LRRC37A2: variants seen among roughly 807,000 people sequenced by gnomAD.
The protein encoded by LRRC37A2 is leucine rich repeat containing 37 member A2.
A neutral mutation model predicts 68.8 loss-of-function variants in LRRC37A2; 9 were observed. The ratio of observed to expected loss-of-function variants is 0.13; its 90% CI spans 0.08 to 0.23. The LOEUF is 0.23. Ranked by LOEUF, LRRC37A2 falls within the 10% of genes least tolerant of loss-of-function variation. The pLI is 1.00. For missense variants in LRRC37A2, 168 were observed against 950.4 expected (o/e 0.18, Z 10.82); for synonymous variants, 63 against 367.6 (o/e 0.17, Z 9.48).
At chr17:46,812,586 G>A in the LRRC37A2 span, among the ~76,000 whole-genome samples, 1 of 152,056 alleles carries the variant, frequency 6.6e-6, no homozygotes, top group Non-Finnish European at 1.5e-5. Context: ...AATGATTAGG[G>A]GACACTCCAG....
At chr17:46,726,863 A>G in the LRRC37A2 span, among the ~76,000 whole-genome samples, 2 of 152,304 alleles carry the variant, frequency 1.3e-5, no homozygotes, top group Non-Finnish European at 2.9e-5. Context: ...CTCATTTTGT[A>G]TCTTCCAGTG....
At chr17:46,967,804 G>A in the LRRC37A2 span, among the ~76,000 whole-genome samples, 1 of 152,140 alleles carries the variant, frequency 6.6e-6, no homozygotes, top group African/African-American at 2.4e-5. Flanking sequence ...TCACCTTGGT[G>A]GCAGTGAAGG....
At chr17:46,845,547 T>A in the LRRC37A2 span, among the ~76,000 whole-genome samples, 2 of 148,170 alleles carry the variant, frequency 1.3e-5, no homozygotes, top group Admixed American at 1.4e-4. Flanking sequence ...CAGAGTGCAG[T>A]GGCACAATCT....
the LRRC37A2 span, among the ~76,000 whole-genome samples, chr17:46,657,494 T>C: frequency 6.8e-6 from 1 of 146,408 alleles, no homozygotes; most frequent in African/African-American, 2.5e-5. Context: ...AGACTAGAAA[T>C]AGAAACTTTT....
At chr17:46,543,745 A>G (rs1475740620) in intron 8 of LRRC37A2, among the ~76,000 whole-genome samples, 1 of 151,038 alleles carries the variant, frequency 6.6e-6, no homozygotes, top group Non-Finnish European at 1.5e-5. Flanking sequence ...GGTGTTCATT[A>G]TACCATTTGA....
At chr17:46,612,143 G>A in the LRRC37A2 span, among the ~76,000 whole-genome samples, 1 of 75,786 alleles carries the variant, frequency 1.3e-5, no homozygotes, top group South Asian at 4.5e-4. Context: ...CAACATCATA[G>A]TCCATAGGGA....
the LRRC37A2 span, chr17:47,019,439 A>T: frequency 6.2e-7 from 1 of 1,610,822 alleles, no homozygotes; most frequent in Non-Finnish European, 8.5e-7. Flanking sequence ...CTCAGCCTCC[A>T]GACCTAGGGC....
the LRRC37A2 span, among the ~76,000 whole-genome samples, chr17:46,894,833 C>G: frequency 6.6e-6 from 1 of 152,262 alleles, no homozygotes; most frequent in Non-Finnish European, 1.5e-5. Flanking sequence ...CACTTCTCCC[C>G]CCTCCACTCT....
the LRRC37A2 span, chr17:46,932,174 T>G: frequency 6.2e-7 from 1 of 1,614,080 alleles, no homozygotes; most frequent in Non-Finnish European, 8.5e-7. Flanking sequence ...CGAGAAGAGC[T>G]TCTGTCTCGA....
At chr17:46,930,596 C>T in the LRRC37A2 span, 4 of 155,888 alleles carry the variant, frequency 2.6e-5, no homozygotes, top group African/African-American at 7.3e-5. Flanking sequence ...GGAAGAAAGC[C>T]TTAAGGGAAC....
chr17:46,732,588 A>G, the LRRC37A2 span, among the ~76,000 whole-genome samples: 1 of 152,182 alleles, frequency 6.6e-6, no homozygotes, highest in Non-Finnish European at 1.5e-5. Flanking sequence ...TGCAGAGTTA[A>G]TTTCATGATT....
At chr17:46,946,910 G>T in the LRRC37A2 span, among the ~76,000 whole-genome samples, 1 of 152,200 alleles carries the variant, frequency 6.6e-6, no homozygotes, top group South Asian at 2.1e-4. Flanking sequence ...CAGCAGTCAA[G>T]TGCCAAGCAA....
the LRRC37A2 span, among the ~76,000 whole-genome samples, chr17:46,494,636 A>C: frequency 6.6e-6 from 1 of 151,470 alleles, no homozygotes; most frequent in Non-Finnish European, 1.5e-5. Flanking sequence ...CCAAGTTCAC[A>C]AAGATTTTCC....
the LRRC37A2 span, among the ~76,000 whole-genome samples, chr17:46,777,884 C>G: frequency 6.6e-6 from 1 of 152,188 alleles, no homozygotes; most frequent in South Asian, 2.1e-4. Context: ...TTCCCTCTTT[C>G]CACCAAACCC....
chr17:46,671,959 A>G, the LRRC37A2 span, among the ~76,000 whole-genome samples: 1 of 142,542 alleles, frequency 7.0e-6, no homozygotes, highest in Non-Finnish European at 1.6e-5. Context: ...AGAGCTTCAA[A>G]TAATTTTTTA....
the LRRC37A2 span, among the ~76,000 whole-genome samples, chr17:46,976,261 A>G: frequency 6.8e-6 from 1 of 146,458 alleles, no homozygotes; most frequent in Non-Finnish European, 1.5e-5. Context: ...GGCTGGGCGC[A>G]GTGGCTGACA....
chr17:46,830,654 A>C, the LRRC37A2 span: 2 of 398,598 alleles, frequency 5.0e-6, no homozygotes, highest in Non-Finnish European at 8.8e-6. Flanking sequence ...CTGAAATGAA[A>C]ATCTGAAATG....
At chr17:46,940,836 A>G in the LRRC37A2 span, 1 of 1,457,948 alleles carries the variant, frequency 6.9e-7, no homozygotes, top group South Asian at 1.4e-5. Context: ...GACAGCAGCC[A>G]GTGTGTCTGG....
chr17:46,821,570 C>A, the LRRC37A2 span, among the ~76,000 whole-genome samples: 2 of 152,132 alleles, frequency 1.3e-5, no homozygotes, highest in African/African-American at 2.4e-5. Flanking sequence ...GAAGGGAGGG[C>A]GGGGTGGAGG....
Sources: allele counts gnomAD v4.1 joint callset (sites outside exome capture counted in the v4.1 genomes callset), GRCh38; gene constraint gnomAD v4.1.1; transcripts MANE v1.5; gene names NCBI Gene and HGNC (gene_info 2026-07-23, HGNC 2026-07-21).